HSPG2: variants seen among roughly 807,000 people sequenced by gnomAD.
HSPG2 encodes the protein basement membrane-specific heparan sulfate proteoglycan core protein.
Under a neutral mutation model 526.6 loss-of-function variants are expected in HSPG2, and 278 were observed. The observed-to-expected ratio is 0.53, with a 90% CI of 0.48 to 0.58. The LOEUF (loss-of-function observed/expected upper bound fraction) is 0.58. Ranked by LOEUF, HSPG2 falls within the 20% of genes least tolerant of loss-of-function variation. HSPG2 has a pLI of 0.00. For missense variants in HSPG2, 5,354 were observed against 6,099.5 expected (o/e 0.88, Z 4.07); for synonymous variants, 2,465 against 2,555.4 (o/e 0.96, Z 1.07).
intron 95 of HSPG2, 61 bp from the exon 96 acceptor site, chr1:21,823,780 A>G: frequency 7.7e-7 from 1 of 1,299,446 alleles, no homozygotes; most frequent in Non-Finnish European, 1.1e-6. Flanking sequence ...CGGCCCCACG[A>G]CAGAGTCCCC....
rs775367719 is a variant in HSPG2, at chr1:21,887,517, G to C, written c.861C>G (p.Pro287=). 6.2e-7 allele frequency: 1 copy of C among 1,614,076 alleles called. No individual in the cohort carries two copies. The highest frequency in any genetic ancestry group is 1.1e-5 in the South Asian group (1 of 91,070). Residue 287 remains proline (P), a synonymous_variant, in exon 8 of 97, where the codon CCC becomes CCG. Transcript: ENST00000374695. The surrounding 1 kb of genome is among the most constrained non-coding windows in gnomAD (Gnocchi z 5.0). The part of the protein sequence containing the change: ...PGSVRPLPCG[P]QEAACRNGHC... ...GCCCATTGCGGCATGCGGCCTCCTG[G>C]GGCCCACAGGGCAGGGGCCTGACGG...
intron 29 of HSPG2, 59 bp downstream of exon 29, chr1:21,873,866 G>C: frequency 6.9e-7 from 1 of 1,444,226 alleles, no homozygotes; most frequent in Non-Finnish European, 9.5e-7. Flanking sequence ...GGCCCTGCCT[G>C]AGGATTCCAG....
intron 1 of HSPG2, among the ~76,000 whole-genome samples, chr1:21,915,832 C>T (rs1237537586): frequency 1.4e-5 from 2 of 140,252 alleles, no homozygotes; most frequent in Non-Finnish European, 3.1e-5. Context: ...GGCGGATCAC[C>T]TGAGGTCAGG....
intron 1 of HSPG2, among the ~76,000 whole-genome samples, chr1:21,924,602 C>T (rs1273153904): frequency 6.6e-6 from 1 of 151,996 alleles, no homozygotes; most frequent in Non-Finnish European, 1.5e-5. Context: ...AACTGAGGCC[C>T]GGGGAGGAGA....
At position 21,832,519 on chromosome 1, in the gene HSPG2, A is replaced by G; in HGVS notation, c.11183T>C (p.Leu3728Pro). The G allele has an allele frequency of 6.2e-7, 1 of 1,614,154 alleles. No homozygotes were observed. Among genetic ancestry groups the G allele is most frequent in the Non-Finnish European group, 8.5e-7 (1 of 1,179,990 alleles). The change falls in exon 81 of 97, where the codon CTC becomes CCC. Residue 3728 changes from leucine (L) to proline (P), a missense_variant. Coordinates refer to ENST00000374695, the MANE Select transcript of HSPG2 (RefSeq NM_005529.7). Reference protein sequence around the residue: ...NRQPDFISFGLVGGRPEFRFD... With the variant: ...NRQPDFISFGPVGGRPEFRFD... ...CCGGAACTCGGGCCTTCCCCCCACG[A>G]GGCCGAAGGAGATGAAGTCGGGCTG...
At position 21,829,455 on chromosome 1, in the gene HSPG2, C is replaced by T. The variant is rs370471445; in HGVS notation, c.11920G>A (p.Gly3974Arg). The T allele has an allele frequency of 7.4e-5, 119 of 1,613,364 alleles. 2 individuals are homozygous for T. In the Admixed American group the frequency reaches 1.5e-3, roughly 20 times the overall value. ...AGGGACACGAAGTCCTCCACAGGCC[C>T]GCTCTTCCCCCCGCTGAACAGCAGG... ...GVLLFSGGKS[G>R]PVEDFVSLAM... The change falls in exon 87 of 97, where the codon GGG becomes AGG. Residue 3974 changes from glycine (G) to arginine (R), a missense_variant. Physicochemically the swap from Gly to Arg is moderately radical, Grantham distance 125 (BLOSUM62 -2). Coordinates refer to ENST00000374695, the MANE Select transcript of HSPG2 (RefSeq NM_005529.7).
At chr1:21,891,298 A>T (rs572614723) in intron 3 of HSPG2, among the ~76,000 whole-genome samples, 7 of 152,122 alleles carry the variant, frequency 4.6e-5, no homozygotes, top group Non-Finnish European at 1.0e-4. Context: ...CTCGGCTCTG[A>T]GTTTCTGTTT....
In HSPG2 at chr1:21,857,000, AG is replaced by A. The variant is rs1423913149; in HGVS notation, c.5575+14del. 6.2e-7 allele frequency: 1 copy of A among 1,613,308 alleles called. No individual in the cohort carries two copies. The highest frequency in any genetic ancestry group is 1.1e-5 in the South Asian group (1 of 91,080). ...GAGACAGGAGGGGAGAATCAGGTAT[AG>A]ATGGGAGGTGTACCCTGCACATGTA... On this transcript the variant is annotated intron_variant, in intron 44 of 96. Coordinates refer to ENST00000374695, the MANE Select transcript of HSPG2 (RefSeq NM_005529.7).
rs2097954024 is a variant in HSPG2, at chr1:21,822,400, G to GGGT, written c.*913_*915dup. ...TCTTCAGGCTCCTGCAGATGGGGCA[G>GGGT]GGTGGTCATATCCCCCTCCTCTCTC... On this transcript the variant is annotated 3_prime_UTR_variant, in exon 97 of 97. Coordinates refer to ENST00000374695, the MANE Select transcript of HSPG2 (RefSeq NM_005529.7). 2 of 634,554 alleles carry GGGT rather than the reference G, an allele frequency of 3.2e-6. No homozygotes were observed. Among genetic ancestry groups the GGGT allele is most frequent in the Non-Finnish European group, 5.6e-6 (2 of 355,296 alleles). The allele number at this position is 634,554 out of a possible 1,614,324, so 39.3% of individuals were successfully genotyped here.
intron 9 of HSPG2, 45 bp from the exon 10 acceptor site, chr1:21,885,496 C>A: frequency 1.9e-6 from 3 of 1,610,876 alleles, no homozygotes; most frequent in Non-Finnish European, 2.5e-6. Context: ...CCCCGTCCAT[C>A]CTCCCTGGGC....
chr1:21,898,425 C>A lies in HSPG2; in HGVS notation c.64-2115G>T, dbSNP rs1329214027. 6.6e-6 allele frequency among the ~76,000 whole-genome samples: 1 copy of A among 152,224 alleles called. No homozygotes were observed. Among genetic ancestry groups the A allele is most frequent in the Non-Finnish European group, 1.5e-5 (1 of 68,046 alleles). On this transcript the variant is annotated intron_variant, in intron 1 of 96. Transcript: ENST00000374695. This position sits in a 1 kb window ranked among gnomAD's most constrained non-coding sequence, Gnocchi z 4.0. ...CTGGCCTGTGGACTTCTAGGCTGTGCCCGTGGGATGCGCATTCAGGAGTGT... is the reference window on the plus strand; with the variant it reads ...CTGGCCTGTGGACTTCTAGGCTGTGACCGTGGGATGCGCATTCAGGAGTGT...
At chr1:21,826,900 C>T (rs150512446) in intron 91 of HSPG2, among the ~76,000 whole-genome samples, 1 of 152,078 alleles carries the variant, frequency 6.6e-6, no homozygotes, top group South Asian at 2.1e-4. Context: ...AGTGGCCGGG[C>T]GCGGTGGCTT....
At position 21,890,291 on chromosome 1, in the gene HSPG2, C is replaced by G; in HGVS notation, c.413+136G>C. 7.9e-7 allele frequency: 1 copy of G among 1,266,600 alleles called. No homozygotes were observed. Among genetic ancestry groups the G allele is most frequent in the Non-Finnish European group, 1.1e-6 (1 of 872,060 alleles). The allele number at this position is 1,266,600 out of a possible 1,614,324, so 78.5% of individuals were successfully genotyped here. ...CTAAAGGTCCCAATGATCCCCCGAC[C>G]AATTCCTGAATTTCCACCCACAGCG... On this transcript the variant is annotated intron_variant, in intron 5 of 96. Coordinates refer to ENST00000374695, the MANE Select transcript of HSPG2 (RefSeq NM_005529.7). This position sits in a 1 kb window ranked among gnomAD's most constrained non-coding sequence, Gnocchi z 4.1.
chr1:21,840,489 G>C (rs934653642), intron 71 of HSPG2, among the ~76,000 whole-genome samples: 3 of 151,886 alleles, frequency 2.0e-5, no homozygotes, highest in Non-Finnish European at 4.4e-5. Flanking sequence ...TGTATTTTTA[G>C]TAGAGACGGG....
At chr1:21,866,767 A>G (rs973016038) in intron 33 of HSPG2, among the ~76,000 whole-genome samples, 2 of 152,102 alleles carry the variant, frequency 1.3e-5, no homozygotes, top group African/African-American at 2.4e-5. Flanking sequence ...GCAGACATTC[A>G]TCTCAATACC....
chr1:21,843,255 G>A (rs565330562), intron 66 of HSPG2, 42 bp downstream of exon 66: 169 of 1,612,920 alleles, frequency 1.0e-4, no homozygotes, highest in South Asian at 5.2e-4. Context: ...AAGGAGCCCC[G>A]CGCCTGTGCT....
In HSPG2 at chr1:21,828,163, G is replaced by A; in HGVS notation, c.12410-11C>T. 1 of 1,612,956 alleles carries A rather than the reference G, an allele frequency of 6.2e-7. No homozygotes were observed. The highest frequency in any genetic ancestry group is 1.1e-5 in the South Asian group (1 of 91,068). ...GCTCACACAGGTCTCCTGTGGGCCAGGGCAGAGGCGAGTGGGTGGGTGGGC... is the reference window on the plus strand; with the variant it reads ...GCTCACACAGGTCTCCTGTGGGCCAAGGCAGAGGCGAGTGGGTGGGTGGGC... On this transcript the variant is annotated splice_polypyrimidine_tract_variant and intron_variant, in intron 89 of 96. Transcript: ENST00000374695. The surrounding 1 kb of genome is among the most constrained non-coding windows in gnomAD (Gnocchi z 6.0).
intron 49 of HSPG2, 125 bp from the exon 50 acceptor site, chr1:21,854,468 TGGGA>T: frequency 6.8e-7 from 1 of 1,461,170 alleles, no homozygotes; most frequent in Non-Finnish European, 9.3e-7. Flanking sequence ...TGCTAGAAAC[TGGGA>T]GGGAGGGAGA....
chr1:21,868,539 A>G lies in HSPG2; in HGVS notation c.4222-2730T>C, dbSNP rs1313403228. On this transcript the variant is annotated intron_variant, in intron 33 of 96. Transcript: ENST00000374695. ...TACACGACGCAGCACACAGTAAATAATTAATGCTTCTTGAATGACTGAGTG... is the reference window on the plus strand; with the variant it reads ...TACACGACGCAGCACACAGTAAATAGTTAATGCTTCTTGAATGACTGAGTG... Among the ~76,000 whole-genome samples the G allele has an allele frequency of 2.0e-5, 3 of 152,224 alleles. No individual in the cohort carries two copies. The East Asian group carries it at 5.8e-4, about 29-fold the overall frequency.
Sources: allele counts gnomAD v4.1 joint callset (sites outside exome capture counted in the v4.1 genomes callset), GRCh38; gene constraint gnomAD v4.1.1; non-coding constraint Gnocchi (gnomAD v3.1); transcripts MANE v1.5; gene names NCBI Gene and HGNC (gene_info 2026-07-23, HGNC 2026-07-21).